Variants in STAG1 observed in about 807,000 individuals in gnomAD.
The protein encoded by STAG1 is cohesin subunit SA-1.
A neutral mutation model predicts 170.9 loss-of-function variants in STAG1; 26 were observed. The observed-to-expected ratio is 0.15, with a 90% CI of 0.11 to 0.21. The LOEUF (loss-of-function observed/expected upper bound fraction) is 0.21. Ranked by LOEUF, STAG1 falls within the 10% of genes least tolerant of loss-of-function variation. The pLI, the probability that STAG1 is intolerant of heterozygous loss-of-function variation, is 1.00. For synonymous variants in STAG1, 514 were observed against 497.7 expected (o/e 1.03, Z -0.44); for missense variants, 964 against 1,509.5 (o/e 0.64, Z 5.99).
chr3:136,748,848 A>G (rs1218358990), intron 1 of STAG1, among the ~76,000 whole-genome samples: 2 of 152,132 alleles, frequency 1.3e-5, no homozygotes, highest in African/African-American at 4.8e-5. Flanking sequence ...TTTCCTCTCA[A>G]TGCAATAAAA....
intron 1 of STAG1, among the ~76,000 whole-genome samples, chr3:136,650,780 C>T (rs1190266128): frequency 6.6e-6 from 1 of 151,942 alleles, no homozygotes; most frequent in East Asian, 1.9e-4. Context: ...AATCATGAAT[C>T]TAGTAGCAGG....
At chr3:136,349,515 G>C in intron 28 of STAG1, 152 bp from the exon 29 acceptor site, 2 of 639,732 alleles carry the variant, frequency 3.1e-6, no homozygotes, top group Non-Finnish European at 5.4e-6. Context: ...TGGAAAGAGA[G>C]GGACTGAGGA....
At chr3:136,519,437 G>A (rs2107901770) in intron 7 of STAG1, among the ~76,000 whole-genome samples, 1 of 152,102 alleles carries the variant, frequency 6.6e-6, no homozygotes, top group South Asian at 2.1e-4. Flanking sequence ...TCTTGGCCTT[G>A]GGAAACCCAG....
intron 4 of STAG1, among the ~76,000 whole-genome samples, chr3:136,595,854 A>T (rs1938403606): frequency 6.6e-6 from 1 of 152,080 alleles, no homozygotes; most frequent in Non-Finnish European, 1.5e-5. Context: ...CTAAAAATGA[A>T]AATACAAACA....
At chr3:136,721,319 A>G (rs1055803138) in intron 1 of STAG1, 1 of 152,258 alleles carries the variant, frequency 6.6e-6, no homozygotes, top group Non-Finnish European at 1.5e-5. Flanking sequence ...AAATAGTTCA[A>G]TTTGGAACTA....
intron 6 of STAG1, among the ~76,000 whole-genome samples, chr3:136,533,717 C>A (rs1377557182): frequency 6.6e-6 from 1 of 152,186 alleles, no homozygotes; most frequent in African/African-American, 2.4e-5. Context: ...ACACTTCCCA[C>A]CAGGCCCCAC....
chr3:136,633,317 C>T (rs1940407433), intron 1 of STAG1, among the ~76,000 whole-genome samples: 1 of 149,060 alleles, frequency 6.7e-6, no homozygotes, highest in Admixed American at 6.8e-5. Context: ...AACTATATAA[C>T]CAGTAAAACT....
At chr3:136,549,171 G>C (rs993324763) in intron 5 of STAG1, among the ~76,000 whole-genome samples, 23 of 152,060 alleles carry the variant, frequency 1.5e-4, no homozygotes, top group Non-Finnish European at 4.4e-5. Context: ...ATTGCAAATT[G>C]GAATGTTTTC....
At chr3:136,379,484 A>G (rs1012576860) in intron 22 of STAG1, among the ~76,000 whole-genome samples, 2 of 152,162 alleles carry the variant, frequency 1.3e-5, no homozygotes, top group African/African-American at 4.8e-5. Context: ...TGAGACGGCC[A>G]GATCACCTGA....
At chr3:136,396,312 G>A (rs569235236) in intron 22 of STAG1, among the ~76,000 whole-genome samples, 1 of 150,368 alleles carries the variant, frequency 6.7e-6, no homozygotes, top group South Asian at 2.1e-4. Flanking sequence ...CCACTTCCTG[G>A]GCTCCGGCCA....
chr3:136,666,372 A>T (rs1385981331), intron 1 of STAG1, among the ~76,000 whole-genome samples: 2 of 152,122 alleles, frequency 1.3e-5, no homozygotes, highest in Non-Finnish European at 2.9e-5. Flanking sequence ...AAACTATGAG[A>T]TTATAAATGG....
intron 4 of STAG1, among the ~76,000 whole-genome samples, chr3:136,586,047 A>G (rs1260302080): frequency 6.6e-6 from 1 of 152,228 alleles, no homozygotes; most frequent in Non-Finnish European, 1.5e-5. Context: ...CTGAGGGTAC[A>G]TGCAGGATAA....
intron 1 of STAG1, among the ~76,000 whole-genome samples, chr3:136,649,132 T>C (rs962061474): frequency 2.6e-5 from 4 of 152,216 alleles, no homozygotes; most frequent in African/African-American, 9.6e-5. Flanking sequence ...CCTTTGCTTA[T>C]ACTATTTCCT....
At chr3:136,571,351 T>G (rs1004517276) in intron 4 of STAG1, among the ~76,000 whole-genome samples, 21 of 152,276 alleles carry the variant, frequency 1.4e-4, no homozygotes, top group African/African-American at 4.6e-4. Flanking sequence ...GGCAGACGAC[T>G]TGAGCACAGG....
At chr3:136,513,766 G>C (rs1374681382) in intron 7 of STAG1, among the ~76,000 whole-genome samples, 1 of 151,840 alleles carries the variant, frequency 6.6e-6, no homozygotes, top group Non-Finnish European at 1.5e-5. Flanking sequence ...TTTTTCTCAA[G>C]AAACTATCAA....
chr3:136,715,103 G>A (rs1435410271), intron 1 of STAG1, among the ~76,000 whole-genome samples: 1 of 145,678 alleles, frequency 6.9e-6, no homozygotes, highest in African/African-American at 2.5e-5. Flanking sequence ...CGCACAGTAA[G>A]AGAGTTCGGT....
intron 5 of STAG1, among the ~76,000 whole-genome samples, chr3:136,563,172 T>G (rs974524396): frequency 6.6e-6 from 1 of 152,308 alleles, no homozygotes. Context: ...CTGTAAATAG[T>G]AGATATCTTG....
At chr3:136,520,002 GTAAC>G (rs1934590576) in intron 7 of STAG1, among the ~76,000 whole-genome samples, 1 of 152,048 alleles carries the variant, frequency 6.6e-6, no homozygotes, top group South Asian at 2.1e-4. Flanking sequence ...GGTTAGGACT[GTAAC>G]TAACAGAATA....
At chr3:136,377,508 A>G (rs1937671126) in intron 23 of STAG1, 152 bp downstream of exon 23, 1 of 575,342 alleles carries the variant, frequency 1.7e-6, no homozygotes, top group Non-Finnish European at 3.0e-6. Context: ...GCTTTATAAC[A>G]TAAATTCACA....
Sources: gnomAD v4.1 joint callset for allele counts (sites outside exome capture counted in the v4.1 genomes callset) on GRCh38, gnomAD v4.1.1 for gene constraint, MANE v1.5 for transcripts, NCBI Gene and HGNC (gene_info 2026-07-23, HGNC 2026-07-21) for gene names.